Variants in NOL4L observed in about 807,000 individuals in gnomAD.
The protein encoded by NOL4L is nucleolar protein 4 like, also known as nucleolar protein 4-like.
A neutral mutation model predicts 64.5 loss-of-function variants in NOL4L; 7 were observed. That is an observed-to-expected ratio of 0.11 (90% CI 0.06 to 0.20). NOL4L has a LOEUF of 0.20. Among genes scored for constraint, NOL4L ranks in the 10% least tolerant of loss-of-function variants. The pLI is 1.00. For synonymous variants in NOL4L, 413 were observed against 401.0 expected (o/e 1.03, Z -0.36); for missense variants, 680 against 967.1 (o/e 0.70, Z 3.94).
chr20:32,560,182 G>A (rs2145611666), intron 1 of NOL4L, among the ~76,000 whole-genome samples: 1 of 152,354 alleles, frequency 6.6e-6, no homozygotes, highest in Non-Finnish European at 1.5e-5. Flanking sequence ...CGTCACACAG[G>A]CACCCAGTGG....
intron 4 of NOL4L, among the ~76,000 whole-genome samples, chr20:32,496,960 G>A (rs765735029): frequency 6.8e-6 from 1 of 147,720 alleles, no homozygotes; most frequent in Non-Finnish European, 1.5e-5. Context: ...TAGGGGTCGG[G>A]GAGCTACCCG....
At chr20:32,552,741 G>A (rs1169454832) in intron 1 of NOL4L, among the ~76,000 whole-genome samples, 2 of 152,142 alleles carry the variant, frequency 1.3e-5, no homozygotes, top group Admixed American at 6.5e-5. Flanking sequence ...AGTGGCTCAC[G>A]CCTGTAATCC....
chr20:32,469,905 C>T (rs959376325), intron 5 of NOL4L, among the ~76,000 whole-genome samples: 1 of 152,218 alleles, frequency 6.6e-6, no homozygotes, highest in African/African-American at 2.4e-5. Context: ...TGGCCAAGAA[C>T]CTGGAAGAGC....
chr20:32,583,008 G>T (rs1361193266), intron 1 of NOL4L, among the ~76,000 whole-genome samples: 5 of 152,094 alleles, frequency 3.3e-5, no homozygotes, highest in Non-Finnish European at 7.4e-5. Flanking sequence ...GGCTGGGAGG[G>T]TCCCAGCCTT....
chr20:32,479,017 G>C (rs1464096678), intron 4 of NOL4L, among the ~76,000 whole-genome samples: 4 of 152,238 alleles, frequency 2.6e-5, no homozygotes, highest in Non-Finnish European at 2.9e-5. Context: ...CTGAGGTAGA[G>C]AAGAAGACTT....
At chr20:32,561,600 T>C (rs1269508468) in intron 1 of NOL4L, among the ~76,000 whole-genome samples, 4 of 151,832 alleles carry the variant, frequency 2.6e-5, no homozygotes, top group Non-Finnish European at 5.9e-5. Flanking sequence ...AACTGGGCCC[T>C]GGGGAACTGG....
At chr20:32,485,731 G>C (rs2016061592) in intron 4 of NOL4L, 2 of 470,860 alleles carry the variant, frequency 4.2e-6, no homozygotes, top group Non-Finnish European at 8.8e-6. Context: ...TCCAGGAAAT[G>C]TGTTTCCAAA....
intron 4 of NOL4L, among the ~76,000 whole-genome samples, chr20:32,489,582 T>C (rs1339758441): frequency 6.6e-6 from 1 of 152,182 alleles, no homozygotes; most frequent in East Asian, 1.9e-4. Flanking sequence ...CTTATACTAA[T>C]TTTCTATTAT....
intron 3 of NOL4L, among the ~76,000 whole-genome samples, chr20:32,517,482 A>G (rs1270384450): frequency 6.6e-6 from 1 of 152,180 alleles, no homozygotes; most frequent in Admixed American, 6.5e-5. Flanking sequence ...CGGGGGCAGG[A>G]GGAGGGGAAC....
At chr20:32,457,510 T>C (rs2013662558) in intron 5 of NOL4L, among the ~76,000 whole-genome samples, 1 of 139,992 alleles carries the variant, frequency 7.1e-6, no homozygotes, top group Admixed American at 7.2e-5. Context: ...TCCCCGGTGC[T>C]GGGCACTGGG....
chr20:32,462,344 G>A (rs1023637971), intron 5 of NOL4L, among the ~76,000 whole-genome samples: 1 of 152,210 alleles, frequency 6.6e-6, no homozygotes, highest in African/African-American at 2.4e-5. Flanking sequence ...GCCAAGGGAT[G>A]GGACCCGGGG....
At chr20:32,487,067 G>A (rs187615186) in intron 4 of NOL4L, among the ~76,000 whole-genome samples, 28 of 152,220 alleles carry the variant, frequency 1.8e-4, no homozygotes, top group East Asian at 1.4e-3. Context: ...TCAGGGGTTC[G>A]AGACCAGCCT....
At chr20:32,537,143 CTA>C in intron 1 of NOL4L, 1 of 984,136 alleles carries the variant, frequency 1.0e-6, no homozygotes, top group South Asian at 4.7e-5. Context: ...GGAGCGCCCG[CTA>C]TGTGCCAGGC....
At chr20:32,552,267 G>GA (rs11421062) in intron 1 of NOL4L, among the ~76,000 whole-genome samples, 6,888 of 152,216 alleles carry the variant, frequency 0.045, 467 homozygotes, top group African/African-American at 0.16. Flanking sequence ...ATCTCTGAAA[G>GA]GATACCCAAG....
intron 5 of NOL4L, among the ~76,000 whole-genome samples, chr20:32,472,409 C>T (rs149838331): frequency 1.1e-4 from 17 of 152,312 alleles, no homozygotes; most frequent in East Asian, 5.8e-4. Flanking sequence ...TGGAGACCCT[C>T]GGGCGGGGAG....
chr20:32,556,820 G>A (rs560011875), intron 1 of NOL4L, among the ~76,000 whole-genome samples: 15 of 152,312 alleles, frequency 9.8e-5, no homozygotes, highest in Non-Finnish European at 1.6e-4. Flanking sequence ...CCACACAACC[G>A]GTTAACAGTG....
chr20:32,559,545 G>A (rs918724371), intron 1 of NOL4L, among the ~76,000 whole-genome samples: 1 of 152,212 alleles, frequency 6.6e-6, no homozygotes, highest in African/African-American at 2.4e-5. Context: ...ACTTGAGGTA[G>A]GAATGTTATT....
rs139591950 is a variant in NOL4L at position 32,474,633 on chromosome 20, C to T, written c.809G>A (p.Arg270Gln). ...SLSPSQDERM[R>Q]SPQNLHSQED... The stretch of plus-strand genomic sequence containing the variant: ...TTGACTGTGGAGGTTCTGCGGGCTC[C>T]GCATCCTCTCGTCCTGGCTGGGGCT... The change falls in exon 5 of 11, where the codon CGG becomes CAG. Residue 270 changes from arginine to glutamine, a missense_variant. Physicochemically the swap from Arg to Gln is conservative, Grantham distance 43. This residue lies in a region of NOL4L where 254 missense variants were observed against 238.7 expected (regional missense o/e 1.06). Coordinates refer to ENST00000621426, the MANE Select transcript of NOL4L (RefSeq NM_001256798.2). 9.8e-5 allele frequency: 158 copies of T among 1,613,246 alleles called. No homozygotes were observed. Among genetic ancestry groups the T allele is most frequent in the African/African-American group, 4.0e-5 (3 of 74,938 alleles).
chr20:32,451,933 ACCAGTGAGAGGCG>A (rs2012953120), intron 10 of NOL4L, among the ~76,000 whole-genome samples: 2 of 152,192 alleles, frequency 1.3e-5, no homozygotes, highest in African/African-American at 4.8e-5. Context: ...GGGGAGTGGA[ACCAGTGAGAGGCG>A]CCGGTAGTGA....
Sources: gnomAD v4.1 joint callset for allele counts (sites outside exome capture counted in the v4.1 genomes callset) on GRCh38, gnomAD v4.1.1 for gene constraint, gnomAD v4.1.1 regional missense constraint, MANE v1.5 for transcripts, NCBI Gene and HGNC (gene_info 2026-07-23, HGNC 2026-07-21) for gene names.